The following GTF2IRD2B variants were observed in gnomAD, a reference collection of about 807,000 sequenced individuals.
The protein encoded by GTF2IRD2B is GTF2I repeat domain containing 2B, also known as general transcription factor II-I repeat domain-containing protein 2B.
A neutral mutation model predicts 55.6 loss-of-function variants in GTF2IRD2B; 10 were observed. The ratio of observed to expected loss-of-function variants is 0.18; its 90% CI spans 0.11 to 0.31. The LOEUF is 0.31. Ranked by LOEUF, GTF2IRD2B falls within the 10% of genes least tolerant of loss-of-function variation. GTF2IRD2B has a pLI of 1.00. For missense variants in GTF2IRD2B, 206 were observed against 802.7 expected (o/e 0.26, Z 8.98); for synonymous variants, 107 against 320.5 (o/e 0.33, Z 7.12).
In GTF2IRD2B at chr7:75,148,372, T is replaced by C. The variant is rs1354255836; in HGVS notation, c.1925T>C (p.Phe642Ser). The C allele has an allele frequency of 6.2e-7, 1 of 1,611,766 alleles. No individual in the cohort carries two copies. Among genetic ancestry groups the C allele is most frequent in the African/African-American group, 1.3e-5 (1 of 74,576 alleles). ...AAACTGAAGTCCAGGGTGGCGACGTTCTGCAAGGGTGCGGAACTGAAGTCC... is the reference window on the plus strand; with the variant it reads ...AAACTGAAGTCCAGGGTGGCGACGTCCTGCAAGGGTGCGGAACTGAAGTCC... ...VTKLKSRVAT[F>S]CKGAELKSIC... Residue 642 changes from phenylalanine (F) to serine (S), a missense_variant, in exon 16 of 16, where the codon TTC becomes TCC. Physicochemically the swap from Phe to Ser is radical, Grantham distance 155. Coordinates refer to ENST00000472837, the MANE Select transcript of GTF2IRD2B (RefSeq NM_001003795.3).
intron 4 of GTF2IRD2B, among the ~76,000 whole-genome samples, chr7:75,121,999 G>A (rs587736875): frequency 3.9e-4 from 53 of 135,266 alleles, no homozygotes; most frequent in African/African-American, 1.5e-3. Flanking sequence ...TCCTGACCTC[G>A]TGATCCGCCC....
chr7:75,118,164 C>T (rs1808237557), intron 3 of GTF2IRD2B, among the ~76,000 whole-genome samples: 1 of 152,078 alleles, frequency 6.6e-6, no homozygotes, highest in Admixed American at 6.5e-5. Context: ...ACCATACCCA[C>T]AGGCAGTTTC....
At position 75,104,182 on chromosome 7, in the gene GTF2IRD2B, G is replaced by T. The variant is rs587735590; in HGVS notation, c.-5-4778G>T. On this transcript the variant is annotated intron_variant, in intron 1 of 15. Transcript: ENST00000472837. ...CTGTTGCCCCACCTGGAGGGCAGTG[G>T]CACAATCTTGGCTCACTGCAACCTC... 4.3e-4 allele frequency among the ~76,000 whole-genome samples: 60 copies of T among 139,250 alleles called. 2 individuals carry two copies. In the East Asian group the frequency reaches 4.7e-3, roughly 11 times the overall value. 91.4% of individuals were successfully genotyped at this position (139,250 alleles called of 152,430 possible).
intron 4 of GTF2IRD2B, among the ~76,000 whole-genome samples, chr7:75,121,348 C>CT (rs1312909506): frequency 5.4e-4 from 81 of 149,266 alleles, no homozygotes; most frequent in Non-Finnish European, 9.6e-4. Flanking sequence ...CATGAATTCT[C>CT]TAAGTGGTTC....
chr7:75,146,956 A>AAAAGAG lies in GTF2IRD2B; in HGVS notation c.1247-735_1247-734insGAGAAA, dbSNP rs1554454362. The AAAAGAG allele has an allele frequency of 1.9e-5, 3 of 156,698 alleles. No homozygotes were observed. The East Asian group carries it at 5.8e-4, about 30-fold the overall frequency. The allele number at this position is 156,698 out of a possible 1,614,324, so 9.7% of individuals were successfully genotyped here. On this transcript the variant is annotated intron_variant, in intron 15 of 15. Coordinates refer to ENST00000472837, the MANE Select transcript of GTF2IRD2B (RefSeq NM_001003795.3). The stretch of plus-strand genomic sequence containing the variant: ...TACAAAAAAAAGAAAAAGAAAAAGA[A>AAAAGAG]AAAAAGAAAAGAAAGAAAGAAAGAA...
At chr7:75,122,113 T>C (rs2115777040) in intron 4 of GTF2IRD2B, among the ~76,000 whole-genome samples, 1 of 129,338 alleles carries the variant, frequency 7.7e-6, no homozygotes, top group Non-Finnish European at 1.6e-5. Context: ...ATGATGTGGA[T>C]CTTGGATCTT....
At chr7:75,130,182 TC>T (rs1808628662) in intron 8 of GTF2IRD2B, among the ~76,000 whole-genome samples, 4 of 90,884 alleles carry the variant, frequency 4.4e-5, no homozygotes, top group African/African-American at 1.6e-4. Context: ...TCTTTCTTTC[TC>T]TCCTTCCTTC....
At chr7:75,116,936 C>T (rs1584533783) in intron 3 of GTF2IRD2B, among the ~76,000 whole-genome samples, 1 of 151,524 alleles carries the variant, frequency 6.6e-6, no homozygotes, top group Non-Finnish European at 1.5e-5. Context: ...TGAGCCACTG[C>T]ACCTGGCCCA....
intron 3 of GTF2IRD2B, among the ~76,000 whole-genome samples, chr7:75,119,162 C>A (rs1206891514): frequency 9.9e-6 from 1 of 101,332 alleles, no homozygotes; most frequent in African/African-American, 3.9e-5. Flanking sequence ...CCATTGCACT[C>A]CAGCTTAGGC....
intron 2 of GTF2IRD2B, among the ~76,000 whole-genome samples, chr7:75,111,972 A>G (rs587694508): frequency 0.032 from 45 of 1,418 alleles, 6 homozygotes; most frequent in South Asian, 0.23. Flanking sequence ...GGCCGGGCGC[A>G]GTGGCTCACA....
chr7:75,105,195 A>G (rs1418884945), intron 1 of GTF2IRD2B, among the ~76,000 whole-genome samples: 1 of 151,588 alleles, frequency 6.6e-6, no homozygotes. Flanking sequence ...CTCAAAACAA[A>G]AAACAAAAAA....
At chr7:75,126,538 TAAAAATAC>T (rs1188643919) in intron 8 of GTF2IRD2B, 153 bp downstream of exon 8, 3 of 785,368 alleles carry the variant, frequency 3.8e-6, no homozygotes, top group Non-Finnish European at 6.5e-6. Context: ...CTGTCTCTCC[TAAAAATAC>T]AAAAATTAGC....
In GTF2IRD2B at chr7:75,112,505, A is replaced by G. The variant is rs1301362868; in HGVS notation, c.208A>G (p.Thr70Ala). 1.1e-6 allele frequency: 1 copy of G among 888,168 alleles called. No homozygotes were observed. Among genetic ancestry groups the G allele is most frequent in the Non-Finnish European group, 1.7e-6 (1 of 591,278 alleles). 55.0% of individuals were successfully genotyped at this position (888,168 alleles called of 1,614,324 possible). The change falls in exon 3 of 16, where the codon ACG (threonine) becomes GCG (alanine). Residue 70 changes from threonine to alanine, a missense_variant. By Grantham distance (58) the Thr-to-Ala change is moderately conservative. Transcript: ENST00000472837. ...AGGATGCGCTTTTGTTAATGCCAGG[A>G]CGGATTTTCAGAAAGATTTTGCAAA... ...ERGCAFVNARTDFQKDFAKYC... is the reference protein window; with the variant it reads ...ERGCAFVNARADFQKDFAKYC...
chr7:75,093,060 A>G (rs1482447271), intron 1 of GTF2IRD2B, among the ~76,000 whole-genome samples: 16 of 152,418 alleles, frequency 1.0e-4, no homozygotes, highest in African/African-American at 3.4e-4. Flanking sequence ...GGTGTGCGTG[A>G]TGCCACGCTC....
chr7:75,133,409 T>G (rs1554453212), intron 9 of GTF2IRD2B, among the ~76,000 whole-genome samples, 197 bp downstream of exon 9: 2 of 148,128 alleles, frequency 1.4e-5, no homozygotes, highest in South Asian at 4.1e-4. Context: ...TTTGTTTGTT[T>G]TTTTACAGAG....
In GTF2IRD2B at chr7:75,149,430, G is replaced by A. The variant is rs1209113819; in HGVS notation, c.*133G>A. ...GAGTCTTGCTCTGTCGCCCAGGTTG[G>A]AGTGCAGTGGCGTGATCTCGGCTTA... is the stretch of plus-strand genomic sequence containing the variant. On this transcript the variant is annotated 3_prime_UTR_variant, in exon 16 of 16. Coordinates refer to ENST00000472837, the MANE Select transcript of GTF2IRD2B (RefSeq NM_001003795.3). 8 of 674,660 alleles carry A rather than the reference G, an allele frequency of 1.2e-5. No homozygotes were observed. The highest frequency in any genetic ancestry group is 2.3e-5 in the Admixed American group (1 of 43,274). 41.8% of individuals were successfully genotyped at this position (674,660 alleles called of 1,614,324 possible).
At chr7:75,132,010 A>T (rs1554535145) in intron 8 of GTF2IRD2B, among the ~76,000 whole-genome samples, 3 of 146,976 alleles carry the variant, frequency 2.0e-5, no homozygotes, top group African/African-American at 8.2e-5. Flanking sequence ...TAAAGGCGTT[A>T]GGTTGTACTG....
chr7:75,120,322 G>T (rs587648715), intron 3 of GTF2IRD2B, among the ~76,000 whole-genome samples: 1 of 64,290 alleles, frequency 1.6e-5, no homozygotes, highest in East Asian at 3.2e-4. Context: ...GGGTTCAGGG[G>T]TATAGTCTTC....
At chr7:75,101,267 C>T (rs1487470533) in intron 1 of GTF2IRD2B, among the ~76,000 whole-genome samples, 1 of 149,194 alleles carries the variant, frequency 6.7e-6, no homozygotes, top group Non-Finnish European at 1.5e-5. Context: ...TACAGTTCAC[C>T]CATTTGAAGT....
Sources: gnomAD v4.1 joint callset for allele counts (sites outside exome capture counted in the v4.1 genomes callset) on GRCh38, gnomAD v4.1.1 for gene constraint, MANE v1.5 for transcripts, NCBI Gene and HGNC (gene_info 2026-07-23, HGNC 2026-07-21) for gene names.